The following AKAP6 variants were observed in gnomAD, a reference collection of about 807,000 sequenced individuals.
The protein encoded by AKAP6 is A-kinase anchor protein 6.
A neutral mutation model predicts 188.5 loss-of-function variants in AKAP6; 58 were observed. The observed-to-expected ratio is 0.31, with a 90% CI of 0.25 to 0.38. AKAP6 has a LOEUF of 0.38. Ranked by LOEUF, AKAP6 falls within the 10% of genes least tolerant of loss-of-function variation. The pLI, the probability that AKAP6 is intolerant of heterozygous loss-of-function variation, is 1.00. For synonymous variants in AKAP6, 989 were observed against 998.6 expected (o/e 0.99, Z 0.18); for missense variants, 2,710 against 2,740.0 (o/e 0.99, Z 0.24).
intron 9 of AKAP6, among the ~76,000 whole-genome samples, chr14:32,718,816 C>G (rs939464125): frequency 1.3e-5 from 2 of 152,278 alleles, no homozygotes; most frequent in African/African-American, 4.8e-5. Context: ...CAACAGCTCT[C>G]TATATCTGCC....
intron 4 of AKAP6, among the ~76,000 whole-genome samples, chr14:32,563,977 C>T (rs567962876): frequency 2.6e-5 from 4 of 152,120 alleles, no homozygotes; most frequent in East Asian, 1.9e-4. Context: ...CCTCAGTATC[C>T]GTGGGGGATT....
At chr14:32,682,995 C>CTTT (rs71115090) in intron 8 of AKAP6, among the ~76,000 whole-genome samples, 605 of 142,158 alleles carry the variant, frequency 4.3e-3, no homozygotes, top group East Asian at 0.022. Flanking sequence ...TTTTTTCTTC[C>CTTT]TTTTTTTTTT....
At chr14:32,554,492 G>C (rs1883609819) in intron 4 of AKAP6, among the ~76,000 whole-genome samples, 1 of 152,180 alleles carries the variant, frequency 6.6e-6, no homozygotes, top group Non-Finnish European at 1.5e-5. Context: ...GGGTCATAAT[G>C]CTGCAAAGTG....
chr14:32,361,308 T>C (rs1887656352), intron 1 of AKAP6, among the ~76,000 whole-genome samples: 1 of 152,060 alleles, frequency 6.6e-6, no homozygotes, highest in Non-Finnish European at 1.5e-5. Context: ...TGTGCATGCA[T>C]GTGCTTATGC....
chr14:32,370,605 C>T (rs1035375221), intron 1 of AKAP6, among the ~76,000 whole-genome samples: 2 of 152,124 alleles, frequency 1.3e-5, no homozygotes, highest in African/African-American at 4.8e-5. Flanking sequence ...AAACCAGTGG[C>T]TGTATTAGTG....
chr14:32,688,629 T>G (rs1003259562), intron 8 of AKAP6, among the ~76,000 whole-genome samples: 1 of 152,126 alleles, frequency 6.6e-6, no homozygotes, highest in Non-Finnish European at 1.5e-5. Flanking sequence ...TGTTGAGACC[T>G]GAGAGGAATT....
At chr14:32,540,199 T>TA (rs1882885123) in intron 3 of AKAP6, among the ~76,000 whole-genome samples, 12 of 131,828 alleles carry the variant, frequency 9.1e-5, no homozygotes, top group South Asian at 2.3e-4. Context: ...TATATTTTAA[T>TA]TTTTTATTTT....
intron 7 of AKAP6, among the ~76,000 whole-genome samples, chr14:32,668,964 C>G (rs1361419905): frequency 6.6e-6 from 1 of 152,090 alleles, no homozygotes; most frequent in African/African-American, 2.4e-5. Context: ...TTAGAACTCT[C>G]TTATACAATA....
chr14:32,467,490 AT>A (rs1480070407), intron 2 of AKAP6, among the ~76,000 whole-genome samples: 1 of 152,170 alleles, frequency 6.6e-6, no homozygotes, highest in Non-Finnish European at 1.5e-5. Context: ...TTATATAAAG[AT>A]TTTCACAAAC....
intron 11 of AKAP6, among the ~76,000 whole-genome samples, chr14:32,756,472 C>G (rs998978176): frequency 1.3e-5 from 2 of 152,068 alleles, no homozygotes; most frequent in African/African-American, 4.8e-5. Flanking sequence ...TTAGGGCACA[C>G]TGGAGCCTAA....
At chr14:32,355,849 A>C (rs1887465555) in intron 1 of AKAP6, among the ~76,000 whole-genome samples, 1 of 151,886 alleles carries the variant, frequency 6.6e-6, no homozygotes, top group Admixed American at 6.6e-5. Flanking sequence ...ATCACAGCTC[A>C]CTGCAGCCTC....
intron 7 of AKAP6, among the ~76,000 whole-genome samples, chr14:32,674,582 A>G (rs1216449191): frequency 1.3e-5 from 2 of 152,160 alleles, no homozygotes; most frequent in Non-Finnish European, 2.9e-5. Context: ...TGAGCAATAG[A>G]CAGTACCATT....
intron 5 of AKAP6, among the ~76,000 whole-genome samples, chr14:32,584,512 A>T (rs986955069): frequency 6.6e-6 from 1 of 152,228 alleles, no homozygotes; most frequent in African/African-American, 2.4e-5. Context: ...TACTGTATAC[A>T]ATTTTATGAG....
chr14:32,769,037 A>ATTTGTTTTTTTTT (rs2032806861), intron 11 of AKAP6, among the ~76,000 whole-genome samples: 1 of 56,926 alleles, frequency 1.8e-5, no homozygotes, highest in Non-Finnish European at 2.9e-5. Flanking sequence ...TGCTCTTTTG[A>ATTTGTTTTTTTTT]TTTTTTTTTT....
At chr14:32,700,273 A>T (rs1228792395) in intron 9 of AKAP6, among the ~76,000 whole-genome samples, 1 of 152,190 alleles carries the variant, frequency 6.6e-6, no homozygotes, top group Non-Finnish European at 1.5e-5. Context: ...GCTGCTACCT[A>T]CAGAGCACAG....
At chr14:32,513,729 A>C (rs571304980) in intron 2 of AKAP6, among the ~76,000 whole-genome samples, 30 of 152,330 alleles carry the variant, frequency 2.0e-4, no homozygotes, top group African/African-American at 7.2e-4. Context: ...TTAAACATAC[A>C]GATAAACAGT....
At chr14:32,578,672 G>A (rs1476335846) in intron 5 of AKAP6, among the ~76,000 whole-genome samples, 2 of 152,130 alleles carry the variant, frequency 1.3e-5, no homozygotes, top group Non-Finnish European at 2.9e-5. Context: ...TTCACATTAA[G>A]TGTGCTGTCT....
chr14:32,826,249 A>G (rs761292682), intron 13 of AKAP6, among the ~76,000 whole-genome samples: 14 of 152,202 alleles, frequency 9.2e-5, no homozygotes, highest in Non-Finnish European at 1.6e-4. Flanking sequence ...TTACTAATAT[A>G]GCTCAACTAA....
chr14:32,719,564 A>G (rs1370884373), intron 9 of AKAP6, among the ~76,000 whole-genome samples: 4 of 152,212 alleles, frequency 2.6e-5, no homozygotes. Flanking sequence ...CAGAGTTAAC[A>G]TAAGAAATAT....
Sources: allele counts gnomAD v4.1 joint callset (sites outside exome capture counted in the v4.1 genomes callset), GRCh38; gene constraint gnomAD v4.1.1; transcripts MANE v1.5; gene names NCBI Gene and HGNC (gene_info 2026-07-23, HGNC 2026-07-21).